Variants in IGSF11 observed in about 807,000 individuals in gnomAD.
The protein encoded by IGSF11 is CXADR like 1.
IGSF11 carries 22 observed loss-of-function variants against 41.0 expected under a neutral mutation model. The observed-to-expected ratio is 0.54, with a 90% confidence interval of 0.38 to 0.77. IGSF11 has a LOEUF of 0.77. Ranked by LOEUF, IGSF11 falls within the 30% of genes least tolerant of loss-of-function variation. The pLI, the probability that IGSF11 is intolerant of heterozygous loss-of-function variation, is 0.00. For missense variants in IGSF11, 444 were observed against 530.8 expected, an observed-to-expected ratio of 0.84 and a Z score of 1.61; for synonymous variants, 219 against 201.3, an observed-to-expected ratio of 1.09 and a Z score of -0.74.
At chr3:119,074,629 G>T (rs1029600337) in intron 1 of IGSF11, among the ~76,000 whole-genome samples, 1 of 151,240 alleles carries the variant, frequency 6.6e-6, no homozygotes, top group African/African-American at 2.4e-5. Context: ...GCCGAGGCAG[G>T]TGGATCACAA....
At chr3:118,963,850 T>C (rs987898662) in intron 1 of IGSF11, among the ~76,000 whole-genome samples, 2 of 152,288 alleles carry the variant, frequency 1.3e-5, no homozygotes, top group African/African-American at 2.4e-5. Context: ...CTAATTGACA[T>C]TGACTTTAAT....
chr3:119,001,938 G>C (rs1194627201), intron 1 of IGSF11, among the ~76,000 whole-genome samples: 1 of 136,792 alleles, frequency 7.3e-6, no homozygotes, highest in Non-Finnish European at 1.5e-5. Context: ...ACATAAGTGT[G>C]CATGTGTCTT....
At chr3:119,108,292 G>A (rs1382795481), upstream of IGSF11, among the ~76,000 whole-genome samples, 3 of 140,160 alleles carry the variant, frequency 2.1e-5, no homozygotes, top group Non-Finnish European at 4.7e-5. Context: ...TGTCCTTGAA[G>A]AGGTCCTTCA....
Position 118,928,568 on chromosome 3 carries a change from A to C in IGSF11, c.365T>G (p.Val122Gly). 1 of 1,613,834 alleles carries C rather than the reference A, an allele frequency of 6.2e-7. No individual in the cohort carries two copies. The highest frequency in any genetic ancestry group is 8.5e-7 in the Non-Finnish European group (1 of 1,179,974). ...LSDTGTYQCL[V>G]NNLPDIGGRN... ...GCCCCCTATGTCTGGAAGGTTGTTG[A>C]CCAGGCACTGGTAGGTGCCAGTGTC... is the stretch of plus-strand genomic sequence containing the variant. Residue 122 changes from valine (V) to glycine (G), a missense_variant, in exon 3 of 7, where the codon GTC (valine) becomes GGC (glycine). Physicochemically the swap from Val to Gly is moderately radical, Grantham distance 109. This residue lies in a region of IGSF11 where 193 missense variants were observed against 283.5 expected (regional missense o/e 0.68). Coordinates refer to ENST00000393775, the MANE Select transcript of IGSF11 (RefSeq NM_001015887.3).
At chr3:119,116,875 G>A (rs1311493508) in intron 1 of IGSF11, among the ~76,000 whole-genome samples, 3 of 151,976 alleles carry the variant, frequency 2.0e-5, no homozygotes, top group East Asian at 1.9e-4. Context: ...CCCCACTCCT[G>A]TAGCCCCACC....
intron 4 of IGSF11, among the ~76,000 whole-genome samples, chr3:118,909,877 T>A (rs1366560447): frequency 2.6e-5 from 4 of 152,240 alleles, no homozygotes; most frequent in African/African-American, 9.6e-5. Context: ...CACAAGGAGC[T>A]GAAGCTTATA....
intron 1 of IGSF11, among the ~76,000 whole-genome samples, chr3:118,990,696 AAT>A (rs1935707503): frequency 6.6e-6 from 1 of 152,226 alleles, no homozygotes; most frequent in African/African-American, 2.4e-5. Flanking sequence ...AAAGGGAAAC[AAT>A]ATAGTCCCTT....
intron 1 of IGSF11, among the ~76,000 whole-genome samples, chr3:118,952,259 T>G (rs1313358843): frequency 5.9e-5 from 9 of 152,182 alleles, no homozygotes; most frequent in Non-Finnish European, 4.4e-5. Flanking sequence ...ATCAGGTTAA[T>G]GGTTACTGAC....
Position 119,046,809 on chromosome 3 carries a change from C to T in IGSF11, c.49+58335G>A, listed in dbSNP as rs1426453222. ...TAACAGCGGATCTCTCGGCAGAAAC[C>T]CTACAAGCCAGAAGAGAGTGGGGGC... is the stretch of plus-strand genomic sequence containing the variant. On this transcript the variant is annotated intron_variant, in intron 1 of 6. Coordinates refer to the IGSF11 transcript ENST00000354673. Among the ~76,000 whole-genome samples, 19 of 151,394 alleles carry T rather than the reference C, an allele frequency of 1.3e-4. No individual in the cohort carries two copies. In the East Asian group the frequency reaches 3.1e-3, roughly 25 times the overall value.
At chr3:118,914,765 AG>A (rs1940865684) in intron 4 of IGSF11, among the ~76,000 whole-genome samples, 1 of 133,748 alleles carries the variant, frequency 7.5e-6, no homozygotes, top group Non-Finnish European at 1.6e-5. Context: ...CAGCTCAAGG[AG>A]GCCTGCCTGC....
chr3:119,128,716 G>A (rs1490651723), intron 1 of IGSF11, among the ~76,000 whole-genome samples: 1 of 152,168 alleles, frequency 6.6e-6, no homozygotes, highest in African/African-American at 2.4e-5. Context: ...TGAATATATA[G>A]GAGTGTAAAT....
At chr3:119,022,725 T>C (rs1181270512) in intron 1 of IGSF11, among the ~76,000 whole-genome samples, 1 of 152,008 alleles carries the variant, frequency 6.6e-6, no homozygotes, top group African/African-American at 2.4e-5. Context: ...AGTAATAAAA[T>C]AGATTGACAA....
intron 1 of IGSF11, among the ~76,000 whole-genome samples, chr3:119,005,475 T>C (rs917393853): frequency 2.7e-5 from 4 of 150,326 alleles, no homozygotes; most frequent in Admixed American, 1.3e-4. Context: ...TTAAAGTTAA[T>C]AGTGTTATGT....
intron 1 of IGSF11, among the ~76,000 whole-genome samples, chr3:119,094,411 A>G (rs1259115480): frequency 1.3e-5 from 2 of 151,848 alleles, no homozygotes; most frequent in African/African-American, 2.4e-5. Flanking sequence ...CCTGTATGGT[A>G]TTAGCATTTC....
At chr3:119,103,394 T>A (rs1270536640) in intron 1 of IGSF11, among the ~76,000 whole-genome samples, 1 of 152,004 alleles carries the variant, frequency 6.6e-6, no homozygotes, top group Non-Finnish European at 1.5e-5. Flanking sequence ...TTTTTTTTTT[T>A]ATACTTATAC....
chr3:119,143,850 T>C lies in IGSF11; in HGVS notation c.-14+1963A>G, dbSNP rs111968272. Among the ~76,000 whole-genome samples the C allele has an allele frequency of 3.6e-3, 549 of 152,210 alleles. 2 individuals carry two copies. The highest frequency in any genetic ancestry group is 0.012 in the African/African-American group (513 of 41,536). On this transcript the variant is annotated intron_variant, in intron 1 of 7. Coordinates refer to the IGSF11 transcript ENST00000425327. ...ACAAAATAGACTTTAAGTCAAAAAA[T>C]GTTATGAGGGACGAAGAAGTGCATT... is the stretch of plus-strand genomic sequence containing the variant.
chr3:119,041,682 A>T (rs1048063424), intron 1 of IGSF11, among the ~76,000 whole-genome samples: 1 of 152,242 alleles, frequency 6.6e-6, no homozygotes, highest in Non-Finnish European at 1.5e-5. Flanking sequence ...CTGCCAAAAA[A>T]TCTGAAAATT....
intron 1 of IGSF11, among the ~76,000 whole-genome samples, chr3:119,024,668 CTTGCTTTTTTT>C (rs1461085621): frequency 6.6e-6 from 1 of 152,110 alleles, no homozygotes; most frequent in Non-Finnish European, 1.5e-5. Flanking sequence ...CTGCCTAAAA[CTTGCTTTTTTT>C]TTAAGCTCAC....
intron 1 of IGSF11, among the ~76,000 whole-genome samples, chr3:119,047,308 C>T (rs1026284848): frequency 6.6e-6 from 1 of 152,132 alleles, no homozygotes; most frequent in East Asian, 1.9e-4. Context: ...GAAGATCTAC[C>T]AAGCAAATGG....
Sources: allele counts gnomAD v4.1 joint callset (sites outside exome capture counted in the v4.1 genomes callset), GRCh38; gene constraint gnomAD v4.1.1; regional missense constraint gnomAD v4.1.1; transcripts MANE v1.5; gene names NCBI Gene and HGNC (gene_info 2026-07-23, HGNC 2026-07-21).